PAPLN: variants seen among roughly 807,000 people sequenced by gnomAD.
PAPLN encodes papilin, proteoglycan like sulfated glycoprotein, also known as papilin.
In PAPLN, 146 loss-of-function variants were observed where a neutral mutation model predicts 159.0. The ratio of observed to expected loss-of-function variants is 0.92; its 90% CI spans 0.80 to 1.05. The LOEUF (loss-of-function observed/expected upper bound fraction) is 1.05, where lower values mean the gene tolerates loss of function less well. PAPLN is among the 50% of genes least tolerant of loss of function. The probability of loss-of-function intolerance (pLI) is 0.00; values close to 1 mark genes in which losing one functional copy is unlikely to be tolerated. For synonymous variants in PAPLN, 734 were observed against 702.9 expected (o/e 1.04, Z -0.70); for missense variants, 1,720 against 1,743.9 (o/e 0.99, Z 0.24).
Position 73,250,971 on chromosome 14 carries a change from G to T in PAPLN, c.530G>T (p.Gly177Val). ...KQEDKCLRCG[G>V]DGTTCYPVAG... ...GAGGACAAGTGTCTGCGGTGTGGGG[G>T]TGACGGCACGACCTGCTACCCCGTC... Residue 177 changes from glycine to valine, a missense_variant, in exon 7 of 27, where the codon GGT becomes GTT. Coordinates refer to ENST00000644200, the MANE Select transcript of PAPLN (RefSeq NM_001365906.3). 1 of 1,613,792 alleles carries T rather than the reference G, an allele frequency of 6.2e-7. No homozygotes were observed. The highest frequency in any genetic ancestry group is 1.3e-5 in the African/African-American group (1 of 75,064).
At position 73,250,943 on chromosome 14, in the gene PAPLN, CAGG is replaced by C. The variant is rs781552107; in HGVS notation, c.507_509del (p.Glu169del). On this transcript the variant is annotated inframe_deletion, in exon 7 of 27. Coordinates refer to ENST00000644200, the MANE Select transcript of PAPLN (RefSeq NM_001365906.3). The stretch of plus-strand genomic sequence containing the variant: ...TGATCACGAGCTGGACTCGTCCAAG[CAGG>C]AGGACAAGTGTCTGCGGTGTGGGGG... The C allele has an allele frequency of 1.2e-6, 2 of 1,613,634 alleles. No homozygotes were observed. Among genetic ancestry groups the C allele is most frequent in the African/African-American group, 1.3e-5 (1 of 74,942 alleles).
chr14:73,265,326 G>T lies in PAPLN; in HGVS notation c.3126-44G>T, dbSNP rs115778442. ...GAGGTGCCCATGGGAGTAGGCGGGG[G>T]CAACGGCAAGGGCCCCTCATGCTGT... On this transcript the variant is annotated intron_variant, in intron 22 of 26. Coordinates refer to ENST00000644200, the MANE Select transcript of PAPLN (RefSeq NM_001365906.3). This position sits in a 1 kb window ranked among gnomAD's most constrained non-coding sequence, Gnocchi z 4.1. 1.6e-3 allele frequency: 2,546 copies of T among 1,590,902 alleles called. 38 individuals carry two copies. In the African/African-American group the frequency reaches 0.031, roughly 20 times the overall value.
chr14:73,259,608 TG>T (rs1385096324), intron 16 of PAPLN, 63 bp downstream of exon 16: 18 of 1,426,408 alleles, frequency 1.3e-5, no homozygotes, highest in Non-Finnish European at 1.7e-5. Flanking sequence ...ACCCCGTGGG[TG>T]GGCCAACATC....
intron 26 of PAPLN, among the ~76,000 whole-genome samples, 175 bp downstream of exon 26, chr14:73,268,898 C>T (rs56382393): frequency 0.16 from 23,800 of 152,058 alleles, 2,702 homozygotes; most frequent in Non-Finnish European, 0.23. Flanking sequence ...ATTTTCCTCC[C>T]GTCTACAGTG....
chr14:73,236,404 C>T (rs1860710), upstream of PAPLN, among the ~76,000 whole-genome samples: 13,761 of 152,086 alleles, frequency 0.09, 742 homozygotes, highest in Middle Eastern at 0.21. Context: ...GGTGTGGAGA[C>T]GGCTTCAAAA....
At position 73,265,261 on chromosome 14, in the gene PAPLN, A is replaced by G. The variant is rs891191149; in HGVS notation, c.3126-109A>G. ...AAGGCAGGGGATTTTAGGAAGCTGA[A>G]TCTGGCTGGAGAGGGAGAAGGGGCC... On this transcript the variant is annotated intron_variant, in intron 22 of 26. Transcript: ENST00000644200. This position sits in a 1 kb window ranked among gnomAD's most constrained non-coding sequence, Gnocchi z 4.1. 1 of 1,490,684 alleles carries G rather than the reference A, an allele frequency of 6.7e-7. No individual in the cohort carries two copies. Among genetic ancestry groups the G allele is most frequent in the Admixed American group, 2.1e-5 (1 of 46,986 alleles). 92.3% of individuals were successfully genotyped at this position (1,490,684 alleles called of 1,614,324 possible). A position where few individuals can be genotyped will look rare whatever the true frequency, so the allele number is the denominator to read the frequency against.
At chr14:73,251,095 T>G in intron 7 of PAPLN, 65 bp downstream of exon 7, 1 of 1,550,006 alleles carries the variant, frequency 6.5e-7, no homozygotes, top group Non-Finnish European at 8.7e-7. Flanking sequence ...TCCTTGCCTG[T>G]CCCTGCTCTG....
intron 15 of PAPLN, 76 bp downstream of exon 15, chr14:73,259,135 G>A (rs1319071044): frequency 6.5e-7 from 1 of 1,539,096 alleles, no homozygotes; most frequent in Middle Eastern, 1.8e-4. Flanking sequence ...GGGGGTGTGG[G>A]GGTCACAGTT....
At position 73,262,506 on chromosome 14, in the gene PAPLN, T is replaced by C; in HGVS notation, c.2402T>C (p.Met801Thr). Reference protein sequence around the residue: ...ANNFASEQECMSSCQGSLHGP... With the variant: ...ANNFASEQECTSSCQGSLHGP... Reference sequence around the variant, plus strand: ...AACTTTGCCTCGGAGCAAGAGTGCATGAGCAGCTGCCAGGGATCTCTCCAT... The same window carrying C: ...AACTTTGCCTCGGAGCAAGAGTGCACGAGCAGCTGCCAGGGATCTCTCCAT... Residue 801 changes from methionine to threonine, a missense_variant, in exon 19 of 27, where the codon ATG (methionine) becomes ACG (threonine). Met to Thr is a moderately conservative substitution (Grantham distance 81, BLOSUM62 -1). Transcript: ENST00000644200. 2.5e-6 allele frequency: 4 copies of C among 1,585,646 alleles called. No individual in the cohort carries two copies. The highest frequency in any genetic ancestry group is 3.4e-6 in the Non-Finnish European group (4 of 1,165,404).
chr14:73,251,107 C>A, intron 7 of PAPLN, 77 bp downstream of exon 7: 1 of 1,539,392 alleles, frequency 6.5e-7, no homozygotes, highest in Admixed American at 1.9e-5. Flanking sequence ...CCTGCTCTGG[C>A]CTAGACTCCA....
In PAPLN at chr14:73,260,919, C is replaced by A. The variant is rs567859621; in HGVS notation, c.2106+90C>A. 1.2e-5 allele frequency: 17 copies of A among 1,472,926 alleles called. 1 individual carries two copies. The South Asian group carries it at 2.2e-4, about 19-fold the overall frequency. 91.2% of individuals were successfully genotyped at this position (1,472,926 alleles called of 1,614,324 possible). On this transcript the variant is annotated intron_variant, in intron 17 of 26. Transcript: ENST00000644200. The stretch of plus-strand genomic sequence containing the variant: ...GACCCAGGATCTTTGCCGCTTTGGC[C>A]TCGGAGAAAGGAGGTCCCTGCAAAT...
At chr14:73,259,179 G>C (rs1886269061) in intron 15 of PAPLN, 90 bp from the exon 16 acceptor site, 5 of 1,524,614 alleles carry the variant, frequency 3.3e-6, no homozygotes, top group Non-Finnish European at 4.4e-6. Context: ...GAATGGTCCA[G>C]GGGACGGAGG....
intron 14 of PAPLN, among the ~76,000 whole-genome samples, chr14:73,256,898 TAAA>T (rs61367540): frequency 1.3e-5 from 2 of 150,766 alleles, no homozygotes; most frequent in African/African-American, 2.4e-5. Context: ...ATAAAAAGAT[TAAA>T]AAAAAAAATA....
chr14:73,241,855 GTC>G (rs894434285), intron 2 of PAPLN, among the ~76,000 whole-genome samples: 3 of 152,208 alleles, frequency 2.0e-5, no homozygotes, highest in African/African-American at 7.2e-5. Context: ...CATGTGTTCT[GTC>G]TCTCTCTTAC....
chr14:73,271,874 GCTT>G (rs1205432040), intron 26 of PAPLN, among the ~76,000 whole-genome samples: 3 of 37,290 alleles, frequency 8.0e-5, no homozygotes, highest in South Asian at 7.4e-4. Flanking sequence ...CAAGGGCTTT[GCTT>G]TGTTCTCAGT....
Position 73,245,675 on chromosome 14 carries a change from C to T in PAPLN, c.210C>T (p.Ser70=). 6.4e-7 allele frequency: 1 copy of T among 1,555,322 alleles called. No individual in the cohort carries two copies. Among genetic ancestry groups the T allele is most frequent in the East Asian group, 2.4e-5 (1 of 41,944 alleles). Residue 70 remains serine (S), a synonymous_variant, in exon 4 of 27, where the codon AGC becomes AGT. Coordinates refer to ENST00000644200, the MANE Select transcript of PAPLN (RefSeq NM_001365906.3). This position sits in a 1 kb window ranked among gnomAD's most constrained non-coding sequence, Gnocchi z 4.2. ...GGSSCVGPAR[S]HRSCRTESCP... is the part of the protein sequence containing the mutation. ...CCAGCTGCGTGGGCCCCGCCCGGAG[C>T]CACCGCTCTTGTCGCACGGAGGTAA...
At chr14:73,258,854 C>T in intron 14 of PAPLN, 125 bp from the exon 15 acceptor site, 1 of 836,580 alleles carries the variant, frequency 1.2e-6, no homozygotes, top group Non-Finnish European at 1.7e-6. Flanking sequence ...CTTGGGCTGT[C>T]TCGGGTTCCC....
chr14:73,267,511 C>T (rs746591710), intron 25 of PAPLN, among the ~76,000 whole-genome samples: 2 of 152,116 alleles, frequency 1.3e-5, no homozygotes, highest in African/African-American at 2.4e-5. Context: ...AGGAAGAGGG[C>T]CAGGAAATGA....
intron 2 of PAPLN, among the ~76,000 whole-genome samples, chr14:73,241,723 G>C (rs1032409992): frequency 6.6e-6 from 1 of 152,238 alleles, no homozygotes; most frequent in African/African-American, 2.4e-5. Context: ...CCCAGTCCGA[G>C]CACCTTCTCT....
Sources: gnomAD v4.1 joint callset for allele counts (sites outside exome capture counted in the v4.1 genomes callset) on GRCh38, gnomAD v4.1.1 for gene constraint, Gnocchi (gnomAD v3.1) non-coding constraint, MANE v1.5 for transcripts, NCBI Gene and HGNC (gene_info 2026-07-23, HGNC 2026-07-21) for gene names.